Variants in IL18 observed in about 807,000 individuals in gnomAD.
The protein encoded by IL18 is interleukin-18.
IL18 carries 8 observed loss-of-function variants against 14.2 expected under a neutral mutation model. The observed-to-expected ratio is 0.56, with a 90% CI of 0.33 to 1.01. The LOEUF is 1.01. Ranked by LOEUF, IL18 falls within the 50% of genes least tolerant of loss-of-function variation. IL18 has a pLI of 0.03. For synonymous variants in IL18, 67 were observed against 71.0 expected, an observed-to-expected ratio of 0.94 and a Z score of 0.28; for missense variants, 166 against 231.1, an observed-to-expected ratio of 0.72 and a Z score of 1.83.
intron 5 of IL18, among the ~76,000 whole-genome samples, chr11:112,145,431 A>G (rs561752703): frequency 6.6e-6 from 1 of 152,364 alleles, no homozygotes; most frequent in African/African-American, 2.4e-5. Context: ...ACAGGGGAAG[A>G]TGAACCAGTA....
At chr11:112,151,592 C>T (rs1866439791) in intron 3 of IL18, among the ~76,000 whole-genome samples, 1 of 152,198 alleles carries the variant, frequency 6.6e-6, no homozygotes, top group African/African-American at 2.4e-5. Context: ...CTCCTTTTAA[C>T]AGCCAAGCTT....
intron 5 of IL18, among the ~76,000 whole-genome samples, chr11:112,144,647 A>C (rs369002833): frequency 6.6e-6 from 1 of 152,230 alleles, no homozygotes; most frequent in Non-Finnish European, 1.5e-5. Context: ...CTTACAGTGA[A>C]TAGACCCAAT....
chr11:112,153,308 C>G, intron 3 of IL18: 1 of 308,710 alleles, frequency 3.2e-6, no homozygotes, highest in South Asian at 1.4e-4. Context: ...TCCATGACTT[C>G]ATGCTAATCT....
At chr11:112,159,534 G>A (rs1055745588) in intron 1 of IL18, among the ~76,000 whole-genome samples, 2 of 152,212 alleles carry the variant, frequency 1.3e-5, no homozygotes, top group African/African-American at 2.4e-5. Context: ...AGGAGGAACT[G>A]AGGATGACTT....
intron 4 of IL18, among the ~76,000 whole-genome samples, chr11:112,149,363 A>T (rs1003139909): frequency 3.9e-5 from 6 of 152,004 alleles, no homozygotes; most frequent in African/African-American, 1.4e-4. Context: ...AACTTTTTTG[A>T]GTATTTTAAA....
At chr11:112,159,734 T>G (rs1286439479) in intron 1 of IL18, among the ~76,000 whole-genome samples, 1 of 152,220 alleles carries the variant, frequency 6.6e-6, no homozygotes, top group Admixed American at 6.5e-5. Flanking sequence ...AATTTACATA[T>G]AAGCTTAAAC....
intron 5 of IL18, 48 bp downstream of exon 5, chr11:112,148,555 T>C: frequency 3.2e-6 from 3 of 943,128 alleles, no homozygotes; most frequent in Non-Finnish European, 4.5e-6. Context: ...TTTCTAATTA[T>C]ATTAATTATA....
intron 2 of IL18, 99 bp from the exon 3 acceptor site, chr11:112,153,702 C>A: frequency 1.3e-6 from 1 of 747,926 alleles, no homozygotes. Flanking sequence ...ACTCCTCTTT[C>A]TCGAACTCCT....
chr11:112,153,732 C>A, intron 2 of IL18, 129 bp from the exon 3 acceptor site: 1 of 553,476 alleles, frequency 1.8e-6, no homozygotes, highest in South Asian at 3.4e-5. Flanking sequence ...GTTTAAGGGT[C>A]TGTCTTGGCT....
At chr11:112,153,499 AT>A (rs954245369) in intron 3 of IL18, 92 bp downstream of exon 3, 18,687 of 615,968 alleles carry the variant, frequency 0.03, 1 homozygote, top group South Asian at 0.043. Flanking sequence ...CATGAGAACC[AT>A]TTTTTTTTTT....
intron 5 of IL18, among the ~76,000 whole-genome samples, chr11:112,146,780 C>G (rs149513541): frequency 4.6e-5 from 7 of 150,934 alleles, no homozygotes; most frequent in African/African-American, 1.7e-4. Context: ...TGAGTTCCTT[C>G]CAGAAGCAGA....
At chr11:112,160,789 A>G (rs1866618916) in intron 1 of IL18, among the ~76,000 whole-genome samples, 1 of 152,208 alleles carries the variant, frequency 6.6e-6, no homozygotes, top group South Asian at 2.1e-4. Context: ...TAAAAATAGA[A>G]TAATTTTTCT....
At chr11:112,157,711 G>T (rs1399176327) in intron 1 of IL18, among the ~76,000 whole-genome samples, 1 of 152,124 alleles carries the variant, frequency 6.6e-6, no homozygotes, top group African/African-American at 2.4e-5. Context: ...AAGAAGCAAT[G>T]TGAACAAAGG....
intron 1 of IL18, among the ~76,000 whole-genome samples, chr11:112,161,178 A>G (rs994124578): frequency 2.0e-5 from 3 of 152,158 alleles, no homozygotes; most frequent in Non-Finnish European, 2.9e-5. Flanking sequence ...TAGTTATGCA[A>G]TACTTTGACA....
chr11:112,150,347 G>T, intron 3 of IL18, 141 bp from the exon 4 acceptor site: 1 of 607,084 alleles, frequency 1.6e-6, no homozygotes, highest in Non-Finnish European at 2.8e-6. Context: ...GTTGCCTATT[G>T]TTTTTTAACC....
Position 112,148,848 on chromosome 11 carries a change from C to A in IL18, c.227-112G>T, listed in dbSNP as rs188899176. ...TAATACACCTGTTCCCACTTTGAGA[C>A]TTGGCCAGTCTGCAGGAGACTATGT... On this transcript the variant is annotated intron_variant, in intron 4 of 5. Coordinates refer to ENST00000280357, the MANE Select transcript of IL18 (RefSeq NM_001562.4). 1.0e-4 allele frequency: 56 copies of A among 557,816 alleles called. No homozygotes were observed. The East Asian group carries it at 1.6e-3, about 16-fold the overall frequency. 34.6% of individuals were successfully genotyped at this position (557,816 alleles called of 1,614,324 possible).
intron 4 of IL18, 116 bp from the exon 5 acceptor site, chr11:112,148,852 G>A: frequency 3.6e-6 from 2 of 552,686 alleles, no homozygotes; most frequent in East Asian, 7.0e-5. Context: ...TTGAGACTTG[G>A]CCAGTCTGCA....
chr11:112,143,393 G>A lies in IL18; in HGVS notation c.*203C>T. The stretch of plus-strand genomic sequence containing the variant: ...CCTCCGGAGTGCAAGTGATTCTCCT[G>A]CCTCAGCCTCTTGAGTAGCTGGGAT... On this transcript the variant is annotated 3_prime_UTR_variant, in exon 6 of 6. Coordinates refer to ENST00000280357, the MANE Select transcript of IL18 (RefSeq NM_001562.4). The A allele has an allele frequency of 2.2e-6, 1 of 446,770 alleles. No homozygotes were observed. The allele number at this position is 446,770 out of a possible 1,614,324, so 27.7% of individuals were successfully genotyped here.
chr11:112,151,357 A>G lies in IL18; in HGVS notation c.92-1151T>C, dbSNP rs559258663. 5.8e-4 allele frequency among the ~76,000 whole-genome samples: 89 copies of G among 152,312 alleles called. 1 individual carries two copies. Among genetic ancestry groups the G allele is most frequent in the African/African-American group, 1.9e-3 (81 of 41,574 alleles). On this transcript the variant is annotated intron_variant, in intron 3 of 5. Transcript: ENST00000280357. The stretch of plus-strand genomic sequence containing the variant: ...TATAAGCATTTCTGTGTCTGTATAT[A>G]TACATAGAAAGGAGTGTAGAAATAT...
Sources: gnomAD v4.1 joint callset for allele counts (sites outside exome capture counted in the v4.1 genomes callset) on GRCh38, gnomAD v4.1.1 for gene constraint, MANE v1.5 for transcripts, NCBI Gene and HGNC (gene_info 2026-07-23, HGNC 2026-07-21) for gene names.